Variants in SENP1 observed in about 807,000 individuals in gnomAD.
The protein encoded by SENP1 is SUMO specific peptidase 1.
In SENP1, 21 loss-of-function variants were observed where a neutral mutation model predicts 93.0. The ratio of observed to expected loss-of-function variants is 0.23; its 90% confidence interval spans 0.16 to 0.33. SENP1 has a LOEUF of 0.33. SENP1 is among the 10% of genes least tolerant of loss of function. The pLI is 1.00. For synonymous variants in SENP1, 256 were observed against 259.6 expected, an observed-to-expected ratio of 0.99 and a Z score of 0.13; for missense variants, 591 against 758.7, an observed-to-expected ratio of 0.78 and a Z score of 2.60.
At chr12:48,085,828 G>A (rs1486246207) in intron 5 of SENP1, among the ~76,000 whole-genome samples, 1 of 152,214 alleles carries the variant, frequency 6.6e-6, no homozygotes, top group East Asian at 1.9e-4. Context: ...AGATGGCAAG[G>A]GCAGTGCAAT....
At position 48,074,615 on chromosome 12, in the gene SENP1, GAGA is replaced by G. The variant is rs1943934753; in HGVS notation, c.657-11_657-9del. The G allele has an allele frequency of 6.2e-7, 1 of 1,610,360 alleles. No homozygotes were observed. Among genetic ancestry groups the G allele is most frequent in the Non-Finnish European group, 8.5e-7 (1 of 1,177,606 alleles). On this transcript the variant is annotated splice_polypyrimidine_tract_variant and intron_variant, in intron 7 of 17. Coordinates refer to ENST00000549518, the MANE Select transcript of SENP1 (RefSeq NM_001267594.2). Reference sequence around the variant, plus strand: ...GAACTAAGACATCGAGACCTAGCAAGAGAAGAATATTGTTTCAATATCAAGTAA... The same window carrying G: ...GAACTAAGACATCGAGACCTAGCAAGAGAATATTGTTTCAATATCAAGTAA...
intron 4 of SENP1, 79 bp from the exon 5 acceptor site, chr12:48,089,039 T>C: frequency 1.3e-6 from 2 of 1,537,184 alleles, no homozygotes; most frequent in Non-Finnish European, 8.8e-7. Flanking sequence ...GACCAACCAT[T>C]GTATTCCAAA....
intron 5 of SENP1, among the ~76,000 whole-genome samples, chr12:48,087,376 T>C (rs560323634): frequency 9.8e-4 from 149 of 152,252 alleles, no homozygotes; most frequent in Non-Finnish European, 1.8e-3. Flanking sequence ...CCAAAGTATT[T>C]GTACTACTTC....
At chr12:48,065,466 C>T (rs1943237996) in intron 11 of SENP1, 130 bp downstream of exon 11, 2 of 666,660 alleles carry the variant, frequency 3.0e-6, no homozygotes, top group Non-Finnish European at 5.2e-6. Context: ...TACGACATAT[C>T]ATAACATGCT....
At chr12:48,049,154 A>G in intron 13 of SENP1, 22 bp from the exon 14 acceptor site, 1 of 1,578,428 alleles carries the variant, frequency 6.3e-7, no homozygotes, top group South Asian at 1.1e-5. Context: ...AATTACACCT[A>G]TTAGAATAGA....
intron 9 of SENP1, among the ~76,000 whole-genome samples, chr12:48,069,966 C>A (rs1943569778): frequency 6.6e-6 from 1 of 152,128 alleles, no homozygotes; most frequent in African/African-American, 2.4e-5. Flanking sequence ...TATTCTCATC[C>A]TAGCAATTGA....
intron 13 of SENP1, among the ~76,000 whole-genome samples, chr12:48,059,878 T>A (rs1942841626): frequency 6.6e-6 from 1 of 152,142 alleles, no homozygotes; most frequent in African/African-American, 2.4e-5. Context: ...CCCTGTGACT[T>A]AGGAGGTTTT....
chr12:48,105,821 G>T, intron 1 of SENP1: 2 of 595,460 alleles, frequency 3.4e-6, no homozygotes, highest in Admixed American at 3.0e-5. Context: ...GTAGCCTAAC[G>T]GCCACCGGCG....
At chr12:48,105,895 A>G in intron 1 of SENP1, 133 bp downstream of exon 1, 1 of 617,708 alleles carries the variant, frequency 1.6e-6, no homozygotes, top group South Asian at 1.8e-5. Flanking sequence ...GGGGCAGAGG[A>G]AAAGGCGCCG....
At chr12:48,065,287 G>A in intron 11 of SENP1, 67 bp from the exon 12 acceptor site, 1 of 1,253,654 alleles carries the variant, frequency 8.0e-7, no homozygotes, top group South Asian at 1.5e-5. Context: ...TTTATGATAG[G>A]GTTATGTCCC....
intron 11 of SENP1, 47 bp from the exon 12 acceptor site, chr12:48,065,267 T>A (rs1189028492): frequency 1.4e-6 from 2 of 1,419,040 alleles, no homozygotes; most frequent in East Asian, 4.9e-5. Context: ...AATCTGTGGA[T>A]GTTCCTTGAT....
intron 5 of SENP1, chr12:48,088,580 C>A: frequency 2.0e-6 from 1 of 507,358 alleles, no homozygotes; most frequent in Non-Finnish European, 3.5e-6. Context: ...CCAAGATTTA[C>A]TTAAAATTCT....
chr12:48,080,021 A>G (rs187434367), intron 6 of SENP1: 1 of 152,370 alleles, frequency 6.6e-6, no homozygotes. Flanking sequence ...AATAATTTGC[A>G]AAGAAGCGTG....
chr12:48,085,447 G>T, intron 5 of SENP1: 2 of 767,346 alleles, frequency 2.6e-6, no homozygotes, highest in South Asian at 2.0e-5. Context: ...ACTCCTCACA[G>T]CCCTCAGCCC....
Position 48,065,126 on chromosome 12 carries a change from T to C in SENP1, c.1214A>G (p.Glu405Gly). The change falls in exon 12 of 18, where the codon GAA becomes GGA. Residue 405 changes from glutamate to glycine, a missense_variant. Physicochemically the swap from Glu to Gly is moderately conservative, Grantham distance 98. Around this residue, in one of 4 missense-constraint regions of SENP1, gnomAD observed 238 missense variants for 259.1 expected, o/e 0.92. Coordinates refer to ENST00000549518, the MANE Select transcript of SENP1 (RefSeq NM_001267594.2). Reference sequence around the variant, plus strand: ...TAATTTATGACCTTTTTTTTGTGTTTCTTGGACAACAGTAACAGGAATCTC... The same window carrying C: ...TAATTTATGACCTTTTTTTTGTGTTCCTTGGACAACAGTAACAGGAATCTC... The part of the protein sequence containing the change: ...EKEIPVTVVQ[E>G]TQKKGHKLTD... The C allele has an allele frequency of 6.2e-7, 1 of 1,609,862 alleles. No individual in the cohort carries two copies. The highest frequency in any genetic ancestry group is 8.5e-7 in the Non-Finnish European group (1 of 1,176,182).
chr12:48,083,847 T>C lies in SENP1; in HGVS notation c.381-85A>G, dbSNP rs74089549. ...AGAGATTATTTTCACTTTCAAAATA[T>C]AAAACCAACCAAACAAAACAGGTAA... On this transcript the variant is annotated intron_variant, in intron 5 of 17. Transcript: ENST00000549518. The C allele has an allele frequency of 7.2e-3, 6,996 of 970,678 alleles. 309 individuals carry two copies. The African/African-American group carries it at 0.099, about 14-fold the overall frequency. 60.1% of individuals were successfully genotyped at this position (970,678 alleles called of 1,614,324 possible). A position where few individuals can be genotyped will look rare whatever the true frequency, so the allele number is the denominator to read the frequency against.
intron 1 of SENP1, chr12:48,105,229 T>TAAC (rs1420876232): frequency 2.6e-6 from 1 of 378,476 alleles, no homozygotes; most frequent in African/African-American, 2.1e-5. Context: ...AAAATGACTT[T>TAAC]AACAAGGCTG....
chr12:48,046,543 G>C (rs189954864), intron 16 of SENP1, 92 bp from the exon 17 acceptor site: 6 of 939,628 alleles, frequency 6.4e-6, no homozygotes, highest in African/African-American at 1.6e-5. Flanking sequence ...AATTGTACAG[G>C]TTTCTCTAAA....
intron 13 of SENP1, among the ~76,000 whole-genome samples, chr12:48,057,615 T>C (rs1942644294): frequency 1.0e-5 from 1 of 99,098 alleles, no homozygotes; most frequent in Non-Finnish European, 1.9e-5. Flanking sequence ...TTTATATATG[T>C]ATATATTTTT....
Sources: allele counts gnomAD v4.1 joint callset (sites outside exome capture counted in the v4.1 genomes callset), GRCh38; gene constraint gnomAD v4.1.1; regional missense constraint gnomAD v4.1.1; transcripts MANE v1.5; gene names NCBI Gene and HGNC (gene_info 2026-07-23, HGNC 2026-07-21).